WWOX: variants seen among roughly 807,000 people sequenced by gnomAD.
The protein encoded by WWOX is WW domain containing oxidoreductase, also known as WW domain-containing oxidoreductase.
Under a neutral mutation model 46.2 loss-of-function variants are expected in WWOX, and 69 were observed. The observed-to-expected ratio is 1.49, with a 90% confidence interval of 1.23 to 1.82. The LOEUF (loss-of-function observed/expected upper bound fraction) is 1.82. Among genes scored for constraint, WWOX ranks in the 40% most tolerant of loss-of-function variants. The probability of loss-of-function intolerance (pLI) is 0.00; values close to 1 mark genes in which losing one functional copy is unlikely to be tolerated. For missense variants in WWOX, 919 were observed against 542.6 expected, an observed-to-expected ratio of 1.69 and a Z score of -6.89; for synonymous variants, 359 against 202.6, an observed-to-expected ratio of 1.77 and a Z score of -6.56.
chr16:78,616,706 C>T (rs2046033953), intron 8 of WWOX, among the ~76,000 whole-genome samples: 1 of 151,942 alleles, frequency 6.6e-6, no homozygotes, highest in South Asian at 2.1e-4. Flanking sequence ...GCAGTGGTTG[C>T]AGTGAGCTGA....
chr16:78,776,474 A>G (rs2050193183), intron 8 of WWOX, among the ~76,000 whole-genome samples: 1 of 152,198 alleles, frequency 6.6e-6, no homozygotes, highest in Non-Finnish European at 1.5e-5. Flanking sequence ...AGAATTAAAT[A>G]TGACGATACA....
intron 8 of WWOX, among the ~76,000 whole-genome samples, chr16:78,978,822 A>G (rs2046623574): frequency 6.6e-6 from 1 of 152,182 alleles, no homozygotes; most frequent in Non-Finnish European, 1.5e-5. Flanking sequence ...CTCATGACTC[A>G]GTCACCTCCC....
intron 5 of WWOX, among the ~76,000 whole-genome samples, chr16:78,364,304 A>G (rs1451286092): frequency 6.6e-6 from 1 of 152,190 alleles, no homozygotes; most frequent in Non-Finnish European, 1.5e-5. Flanking sequence ...GGGGAATTGG[A>G]TATTGTCTAT....
rs1375360877 is a variant in WWOX at position 78,344,899 on chromosome 16, T to C, written c.517-41961T>C. Among the ~76,000 whole-genome samples, 2 of 121,122 alleles carry C rather than the reference T, an allele frequency of 1.7e-5. 1 individual carries two copies. The highest frequency in any genetic ancestry group is 5.6e-5 in the African/African-American group (2 of 35,742). The allele number at this position is 121,122 out of a possible 152,430, so 79.5% of individuals were successfully genotyped here. A position where few individuals can be genotyped will look rare whatever the true frequency, so the allele number is the denominator to read the frequency against. On this transcript the variant is annotated intron_variant, in intron 5 of 8. Coordinates refer to ENST00000566780, the MANE Select transcript of WWOX (RefSeq NM_016373.4). ...AACATGGGCTTCAGGGTCAGACTGC[T>C]TGTGTTCCATTCTTGATCCTATCAC...
chr16:79,036,993 G>T (rs919140041), intron 8 of WWOX, among the ~76,000 whole-genome samples: 1 of 152,152 alleles, frequency 6.6e-6, no homozygotes, highest in African/African-American at 2.4e-5. Context: ...ATAGTGATGG[G>T]TCTCTCATGG....
At chr16:78,742,796 G>A (rs2049261022) in intron 8 of WWOX, among the ~76,000 whole-genome samples, 1 of 152,146 alleles carries the variant, frequency 6.6e-6, no homozygotes, top group African/African-American at 2.4e-5. Flanking sequence ...ATGTTCTTGG[G>A]AAACTTTGCG....
chr16:78,840,660 T>A (rs11150106), intron 8 of WWOX, among the ~76,000 whole-genome samples: 1 of 151,762 alleles, frequency 6.6e-6, no homozygotes, highest in African/African-American at 2.4e-5. Flanking sequence ...TAAATTTGGA[T>A]TCTGATTCAG....
At chr16:78,356,779 G>A (rs2081303466) in intron 5 of WWOX, among the ~76,000 whole-genome samples, 1 of 152,102 alleles carries the variant, frequency 6.6e-6, no homozygotes. Flanking sequence ...CGACTCGGGA[G>A]GCTGAGGCAG....
chr16:78,657,543 C>T (rs1009814716), intron 8 of WWOX, among the ~76,000 whole-genome samples: 2 of 152,182 alleles, frequency 1.3e-5, no homozygotes, highest in Admixed American at 6.5e-5. Flanking sequence ...TCTAACCCCT[C>T]CTCTAGTTAA....
At chr16:79,018,874 G>A (rs1194496943) in intron 8 of WWOX, among the ~76,000 whole-genome samples, 1 of 152,058 alleles carries the variant, frequency 6.6e-6, no homozygotes, top group Non-Finnish European at 1.5e-5. Context: ...GTTAGGGCTG[G>A]GCGTGGTGGC....
intron 8 of WWOX, among the ~76,000 whole-genome samples, chr16:78,522,712 T>A (rs2043375795): frequency 6.6e-6 from 1 of 152,250 alleles, no homozygotes; most frequent in African/African-American, 2.4e-5. Flanking sequence ...GGGGCAAGGT[T>A]ACAACAGAGG....
At chr16:78,917,051 T>C (rs920764445) in intron 8 of WWOX, among the ~76,000 whole-genome samples, 30 of 152,220 alleles carry the variant, frequency 2.0e-4, no homozygotes, top group African/African-American at 7.2e-4. Flanking sequence ...ATGTTGACTC[T>C]TCTAAACCAC....
At chr16:78,732,164 C>T (rs1402125635) in intron 8 of WWOX, among the ~76,000 whole-genome samples, 1 of 152,076 alleles carries the variant, frequency 6.6e-6, no homozygotes, top group Non-Finnish European at 1.5e-5. Flanking sequence ...AACCCCAAAA[C>T]TTGAATCTGG....
chr16:78,561,234 G>A (rs1345090604), intron 8 of WWOX, among the ~76,000 whole-genome samples: 6 of 152,124 alleles, frequency 3.9e-5, no homozygotes, highest in Non-Finnish European at 8.8e-5. Context: ...ACTCTCTTGT[G>A]CATGGAGTCC....
intron 8 of WWOX, among the ~76,000 whole-genome samples, chr16:78,675,438 G>A (rs561195749): frequency 1.5e-3 from 224 of 152,176 alleles, no homozygotes; most frequent in African/African-American, 5.3e-3. Flanking sequence ...CTAATTTATT[G>A]GTTATTTATT....
At chr16:78,897,272 A>T (rs1018066532) in intron 8 of WWOX, 2 of 149,788 alleles carry the variant, frequency 1.3e-5, no homozygotes, top group Non-Finnish European at 3.0e-5. Flanking sequence ...AAAAACCAAA[A>T]AAACAAAAAC....
intron 5 of WWOX, among the ~76,000 whole-genome samples, chr16:78,378,574 A>C (rs190088831): frequency 1.3e-5 from 2 of 152,194 alleles, no homozygotes; most frequent in Non-Finnish European, 2.9e-5. Context: ...TTAGATTTCT[A>C]TTGTAGTTCA....
At chr16:78,293,332 C>G (rs560355350) in intron 5 of WWOX, among the ~76,000 whole-genome samples, 2 of 152,216 alleles carry the variant, frequency 1.3e-5, no homozygotes, top group Admixed American at 6.5e-5. Flanking sequence ...GGTTGATTAT[C>G]TTTGCACTCT....
At chr16:79,053,420 T>A (rs1261433008) in intron 8 of WWOX, among the ~76,000 whole-genome samples, 2 of 152,200 alleles carry the variant, frequency 1.3e-5, no homozygotes, top group African/African-American at 2.4e-5. Context: ...TAAAGTTGTG[T>A]TAGACTGCAA....
Sources: gnomAD v4.1 joint callset for allele counts (sites outside exome capture counted in the v4.1 genomes callset) on GRCh38, gnomAD v4.1.1 for gene constraint, MANE v1.5 for transcripts, NCBI Gene and HGNC (gene_info 2026-07-23, HGNC 2026-07-21) for gene names.